The following MAGI2 variants were observed in gnomAD, a reference collection of about 807,000 sequenced individuals.
MAGI2 encodes the protein membrane associated guanylate kinase, WW and PDZ domain containing 2, also known as membrane-associated guanylate kinase, WW and PDZ domain-containing protein 2.
MAGI2 carries 35 observed loss-of-function variants against 133.3 expected under a neutral mutation model. The ratio of observed to expected loss-of-function variants is 0.26; its 90% CI spans 0.20 to 0.35. The LOEUF (loss-of-function observed/expected upper bound fraction) is 0.35, where lower values mean the gene tolerates loss of function less well. Ranked by LOEUF, MAGI2 falls within the 10% of genes least tolerant of loss-of-function variation. The pLI is 1.00. For synonymous variants in MAGI2, 729 were observed against 710.6 expected (o/e 1.03, Z -0.41); for missense variants, 1,636 against 1,863.4 (o/e 0.88, Z 2.25).
At chr7:79,415,688 G>C (rs1846451760) in intron 1 of MAGI2, 1 of 152,062 alleles carries the variant, frequency 6.6e-6, no homozygotes, top group East Asian at 1.9e-4. Flanking sequence ...AAACAGAGAA[G>C]ATGGACACCA....
intron 1 of MAGI2, among the ~76,000 whole-genome samples, chr7:79,055,269 CT>C (rs1460051565): frequency 1.4e-5 from 2 of 142,074 alleles, no homozygotes; most frequent in African/African-American, 2.8e-5. Flanking sequence ...AAAACATAAA[CT>C]TTGTAAGGGC....
At chr7:78,021,604 ATC>A (rs1396329464) in intron 21 of MAGI2, among the ~76,000 whole-genome samples, 2 of 152,258 alleles carry the variant, frequency 1.3e-5, no homozygotes, top group African/African-American at 4.8e-5. Context: ...AATTCTGGCC[ATC>A]TTTAGAATGG....
chr7:78,700,519 TTTTAA>T (rs1240436763), intron 2 of MAGI2, among the ~76,000 whole-genome samples: 1 of 152,116 alleles, frequency 6.6e-6, no homozygotes, highest in East Asian at 1.9e-4. Flanking sequence ...AACTCTCATC[TTTTAA>T]GGTTTTAGTA....
At chr7:78,385,412 C>A (rs188364928) in intron 6 of MAGI2, among the ~76,000 whole-genome samples, 2 of 152,260 alleles carry the variant, frequency 1.3e-5, no homozygotes, top group East Asian at 3.9e-4. Flanking sequence ...GTCAAAGGCA[C>A]TGACAGTTGA....
chr7:78,817,710 TAA>T (rs1038846663), intron 2 of MAGI2, among the ~76,000 whole-genome samples: 2 of 151,124 alleles, frequency 1.3e-5, no homozygotes, highest in African/African-American at 4.8e-5. Context: ...CAGTATAGTG[TAA>T]ACTTTTTTTT....
intron 1 of MAGI2, among the ~76,000 whole-genome samples, chr7:79,053,308 T>G (rs1281430964): frequency 6.6e-6 from 1 of 152,156 alleles, no homozygotes; most frequent in Non-Finnish European, 1.5e-5. Flanking sequence ...TTTGATGTAT[T>G]GTGACTCTCA....
chr7:78,068,076 G>C (rs1009103728), intron 21 of MAGI2, among the ~76,000 whole-genome samples: 8 of 152,226 alleles, frequency 5.3e-5, no homozygotes, highest in African/African-American at 1.9e-4. Flanking sequence ...ACAGGGACTA[G>C]TTTTGTGGAA....
At chr7:79,268,082 G>A (rs1834614894) in intron 1 of MAGI2, among the ~76,000 whole-genome samples, 1 of 152,146 alleles carries the variant, frequency 6.6e-6, no homozygotes, top group African/African-American at 2.4e-5. Flanking sequence ...TTCTGGAGAA[G>A]CTTCAGATAA....
At position 79,009,366 on chromosome 7, in the gene MAGI2, A is replaced by G. The variant is rs553027777; in HGVS notation, c.302-2160T>C. Among the ~76,000 whole-genome samples, 4 of 152,210 alleles carry G rather than the reference A, an allele frequency of 2.6e-5. No individual in the cohort carries two copies. In the East Asian group the frequency reaches 5.8e-4, roughly 22 times the overall value. On this transcript the variant is annotated intron_variant, in intron 1 of 21. Transcript: ENST00000354212. ...ACTGTCGAAACTTTTAAGAATCAAT[A>G]TAAAATTTCCTTCACTAATTAAATG...
chr7:78,672,245 T>C (rs1814473580), intron 2 of MAGI2, among the ~76,000 whole-genome samples: 1 of 152,124 alleles, frequency 6.6e-6, no homozygotes, highest in East Asian at 1.9e-4. Flanking sequence ...TTAGAACTGG[T>C]TGTTAAAAAG....
chr7:78,927,231 C>G (rs534861701), intron 2 of MAGI2, among the ~76,000 whole-genome samples: 2 of 152,112 alleles, frequency 1.3e-5, no homozygotes, highest in Non-Finnish European at 2.9e-5. Context: ...CTTAAATTCT[C>G]TAGATCTCAG....
At chr7:78,220,827 A>C (rs906459398) in intron 10 of MAGI2, among the ~76,000 whole-genome samples, 1 of 152,262 alleles carries the variant, frequency 6.6e-6, no homozygotes, top group African/African-American at 2.4e-5. Flanking sequence ...ATTCCTGTTC[A>C]GTACCTTATT....
chr7:78,832,731 A>C (rs904193779), intron 2 of MAGI2, among the ~76,000 whole-genome samples: 2 of 152,226 alleles, frequency 1.3e-5, no homozygotes, highest in African/African-American at 2.4e-5. Context: ...TATTGTAAAT[A>C]CAAAGTGGCA....
At chr7:78,848,237 G>A (rs538492738) in intron 2 of MAGI2, among the ~76,000 whole-genome samples, 1 of 151,840 alleles carries the variant, frequency 6.6e-6, no homozygotes, top group East Asian at 2.0e-4. Flanking sequence ...TTCCTCTAGA[G>A]CTCTCCTGAG....
intron 6 of MAGI2, among the ~76,000 whole-genome samples, chr7:78,377,598 T>A (rs776633328): frequency 1.3e-5 from 2 of 150,478 alleles, no homozygotes; most frequent in Non-Finnish European, 1.5e-5. Context: ...GAATATCAAA[T>A]ATCTGCAGAT....
intron 1 of MAGI2, among the ~76,000 whole-genome samples, chr7:79,237,563 G>A (rs192005606): frequency 2.4e-4 from 36 of 152,268 alleles, no homozygotes; most frequent in African/African-American, 8.7e-4. Context: ...GAGATACCAT[G>A]AGCACTTTAA....
At chr7:78,945,037 C>G (rs1482092206) in intron 2 of MAGI2, among the ~76,000 whole-genome samples, 1 of 151,838 alleles carries the variant, frequency 6.6e-6, no homozygotes, top group African/African-American at 2.4e-5. Context: ...CTGTGCCCAG[C>G]CTCATTATTA....
At chr7:79,053,856 A>T (rs1184573342) in intron 1 of MAGI2, among the ~76,000 whole-genome samples, 2 of 152,218 alleles carry the variant, frequency 1.3e-5, no homozygotes, top group African/African-American at 4.8e-5. Context: ...AAGAACAAAG[A>T]AGCATGACTA....
chr7:78,454,754 C>T (rs948082412), intron 6 of MAGI2, among the ~76,000 whole-genome samples: 1 of 152,110 alleles, frequency 6.6e-6, no homozygotes, highest in Non-Finnish European at 1.5e-5. Context: ...GCAATGAGCT[C>T]TCAATCCATG....
Sources: gnomAD v4.1 joint callset for allele counts (sites outside exome capture counted in the v4.1 genomes callset) on GRCh38, gnomAD v4.1.1 for gene constraint, MANE v1.5 for transcripts, NCBI Gene and HGNC (gene_info 2026-07-23, HGNC 2026-07-21) for gene names.